Variants in FSTL4 observed in about 807,000 individuals in gnomAD.
The protein encoded by FSTL4 is follistatin like 4.
Under a neutral mutation model 78.2 loss-of-function variants are expected in FSTL4, and 28 were observed. That is an observed-to-expected ratio of 0.36 (90% CI 0.27 to 0.49). The LOEUF is 0.49. Among genes scored for constraint, FSTL4 ranks in the 20% least tolerant of loss-of-function variants. The probability of loss-of-function intolerance (pLI) is 0.98; values close to 1 mark genes in which losing one functional copy is unlikely to be tolerated. For synonymous variants in FSTL4, 422 were observed against 440.5 expected, an observed-to-expected ratio of 0.96 and a Z score of 0.53; for missense variants, 922 against 1,084.9, an observed-to-expected ratio of 0.85 and a Z score of 2.11.
chr5:133,686,599 T>C, the FSTL4 span, among the ~76,000 whole-genome samples: 1 of 152,190 alleles, frequency 6.6e-6, no homozygotes, highest in Non-Finnish European at 1.5e-5. Flanking sequence ...AGCTTCCCCT[T>C]ATCCACACAC....
At chr5:133,432,489 G>T (rs113612400) in intron 3 of FSTL4, among the ~76,000 whole-genome samples, 1 of 152,176 alleles carries the variant, frequency 6.6e-6, no homozygotes, top group African/African-American at 2.4e-5. Context: ...TACCTTGTGG[G>T]GGTGGTGTGA....
chr5:133,775,640 G>A, the FSTL4 span, among the ~76,000 whole-genome samples: 3 of 152,168 alleles, frequency 2.0e-5, no homozygotes, highest in Admixed American at 2.0e-4. Context: ...GCCTGAGCAG[G>A]CCCAGAAGGT....
intron 6 of FSTL4, among the ~76,000 whole-genome samples, chr5:133,312,068 C>T (rs1198041748): frequency 6.6e-6 from 1 of 152,178 alleles, no homozygotes; most frequent in Non-Finnish European, 1.5e-5. Context: ...CTGAAGGCAT[C>T]CCATCCACTT....
At chr5:133,695,561 C>T in the FSTL4 span, among the ~76,000 whole-genome samples, 2 of 152,212 alleles carry the variant, frequency 1.3e-5, no homozygotes, top group Non-Finnish European at 2.9e-5. Context: ...GGAGACCTTA[C>T]ACCACTGACC....
chr5:133,336,427 G>A (rs1319905506), intron 4 of FSTL4, among the ~76,000 whole-genome samples: 1 of 152,358 alleles, frequency 6.6e-6, no homozygotes, highest in East Asian at 1.9e-4. Context: ...CTGGCTGAGC[G>A]ACTTCCCTTC....
intron 3 of FSTL4, among the ~76,000 whole-genome samples, chr5:133,551,949 T>C (rs1366605): frequency 5.3e-5 from 8 of 152,056 alleles, no homozygotes; most frequent in Non-Finnish European, 1.0e-4. Flanking sequence ...GCTTGTAAAT[T>C]TACTGCCTAG....
At chr5:133,629,709 G>A in the FSTL4 span, among the ~76,000 whole-genome samples, 1 of 152,096 alleles carries the variant, frequency 6.6e-6, no homozygotes, top group Non-Finnish European at 1.5e-5. Context: ...AAAATTTCAG[G>A]CCAATATCCC....
intron 3 of FSTL4, among the ~76,000 whole-genome samples, chr5:133,471,954 G>A (rs1295073898): frequency 6.6e-6 from 1 of 152,108 alleles, no homozygotes; most frequent in Non-Finnish European, 1.5e-5. Flanking sequence ...TCACCTCTGG[G>A]CTGGATCAGT....
intron 6 of FSTL4, among the ~76,000 whole-genome samples, chr5:133,266,274 T>C (rs1303991777): frequency 6.6e-6 from 1 of 152,278 alleles, no homozygotes; most frequent in Non-Finnish European, 1.5e-5. Context: ...CTGACTATTT[T>C]CAAGGTCCTG....
intron 4 of FSTL4, among the ~76,000 whole-genome samples, chr5:133,362,838 C>G (rs1041536825): frequency 6.6e-6 from 1 of 152,256 alleles, no homozygotes; most frequent in Non-Finnish European, 1.5e-5. Context: ...TCATCTCATA[C>G]TTTTATTTTA....
intron 14 of FSTL4, among the ~76,000 whole-genome samples, chr5:133,205,394 T>C (rs890401276): frequency 1.3e-5 from 2 of 151,928 alleles, no homozygotes; most frequent in African/African-American, 4.8e-5. Flanking sequence ...TGCGTGTGTG[T>C]GTGTGTGTGT....
chr5:133,382,913 G>A (rs946699716), intron 4 of FSTL4, among the ~76,000 whole-genome samples: 5 of 151,916 alleles, frequency 3.3e-5, no homozygotes, highest in African/African-American at 1.2e-4. Context: ...GAAAGAAAGA[G>A]GGCACAGAGA....
chr5:133,575,341 G>C (rs1760254985), intron 2 of FSTL4: 1 of 152,194 alleles, frequency 6.6e-6, no homozygotes, highest in Non-Finnish European at 1.5e-5. Flanking sequence ...CTGTGCCTCT[G>C]TCACCTTTGT....
intron 2 of FSTL4, among the ~76,000 whole-genome samples, chr5:133,589,443 C>T (rs1561478834): frequency 1.3e-5 from 2 of 152,268 alleles, no homozygotes; most frequent in African/African-American, 4.8e-5. Context: ...ACACTGCCCT[C>T]ACTGTCCCAT....
chr5:133,514,970 C>A (rs1398737111), intron 3 of FSTL4, among the ~76,000 whole-genome samples: 1 of 152,100 alleles, frequency 6.6e-6, no homozygotes, highest in African/African-American at 2.4e-5. Flanking sequence ...CAATATAACA[C>A]CCATGCATTC....
At chr5:133,571,085 A>T (rs1000689713) in intron 2 of FSTL4, among the ~76,000 whole-genome samples, 18 of 152,080 alleles carry the variant, frequency 1.2e-4, no homozygotes, top group Admixed American at 8.5e-4. Flanking sequence ...AAACAAGTTA[A>T]AAAGTAGCCT....
intron 6 of FSTL4, among the ~76,000 whole-genome samples, chr5:133,283,239 CGTGTGTGTGT>C (rs112657706): frequency 1.3e-5 from 2 of 148,698 alleles, no homozygotes; most frequent in South Asian, 2.2e-4. Context: ...TTAAGCCTAG[CGTGTGTGTGT>C]GTGTGTGTGT....
intron 3 of FSTL4, among the ~76,000 whole-genome samples, chr5:133,450,236 C>T (rs948773937): frequency 2.0e-5 from 3 of 151,728 alleles, no homozygotes; most frequent in East Asian, 3.8e-4. Context: ...GAGACTTTTA[C>T]AGGCAGACCA....
intron 4 of FSTL4, among the ~76,000 whole-genome samples, chr5:133,353,420 C>T (rs549999011): frequency 9.9e-5 from 15 of 152,220 alleles, no homozygotes; most frequent in East Asian, 3.9e-4. Context: ...GACTGCTCCC[C>T]GGTCTGAAGG....
Sources: gnomAD v4.1 joint callset for allele counts (sites outside exome capture counted in the v4.1 genomes callset) on GRCh38, gnomAD v4.1.1 for gene constraint, MANE v1.5 for transcripts, NCBI Gene and HGNC (gene_info 2026-07-23, HGNC 2026-07-21) for gene names.